The following VOPP1 variants were observed in gnomAD, a reference collection of about 807,000 sequenced individuals.
VOPP1 encodes VOPP1 WW domain binding protein, also known as WW domain binding protein VOPP1.
Under a neutral mutation model 23.5 loss-of-function variants are expected in VOPP1, and 8 were observed. The observed-to-expected ratio is 0.34, with a 90% CI of 0.20 to 0.61. The LOEUF (loss-of-function observed/expected upper bound fraction) is 0.61. Ranked by LOEUF, VOPP1 falls within the 20% of genes least tolerant of loss-of-function variation. The probability of loss-of-function intolerance (pLI) is 0.78; values close to 1 mark genes in which losing one functional copy is unlikely to be tolerated. For synonymous variants in VOPP1, 83 were observed against 97.3 expected (o/e 0.85, Z 0.86); for missense variants, 174 against 238.1 (o/e 0.73, Z 1.77).
rs1793956813 is a variant in VOPP1 at position 55,496,427 on chromosome 7, A to G, written c.191+1186T>C. Among the ~76,000 whole-genome samples, 3 of 152,252 alleles carry G rather than the reference A, an allele frequency of 2.0e-5. No individual in the cohort carries two copies. The South Asian group carries it at 6.2e-4, about 31-fold the overall frequency. ...GAGCCGTTAACCTTTGAACAGTCTT[A>G]GGCTACAACAATTATTCTTCTGTTA... On this transcript the variant is annotated intron_variant, in intron 3 of 4. Coordinates refer to ENST00000285279, the MANE Select transcript of VOPP1 (RefSeq NM_030796.5).
At chr7:55,519,939 C>A (rs975712546) in intron 2 of VOPP1, among the ~76,000 whole-genome samples, 2 of 152,174 alleles carry the variant, frequency 1.3e-5, no homozygotes, top group Non-Finnish European at 2.9e-5. Context: ...ACCAGCCTGG[C>A]CAACATGGTG....
intron 4 of VOPP1, among the ~76,000 whole-genome samples, chr7:55,482,482 ATTTTTTTTTTTT>A (rs71031859): frequency 2.3e-5 from 3 of 132,832 alleles, no homozygotes; most frequent in African/African-American, 8.8e-5. Flanking sequence ...CACCTGGCTA[ATTTTTTTTTTTT>A]TTTTTTTTTT....
At chr7:55,534,724 C>G (rs1420611942) in intron 1 of VOPP1, among the ~76,000 whole-genome samples, 1 of 152,228 alleles carries the variant, frequency 6.6e-6, no homozygotes, top group Non-Finnish European at 1.5e-5. Context: ...TGCCAGTTGC[C>G]ACCTGGGATC....
chr7:55,505,073 T>A (rs1794621834), intron 2 of VOPP1, among the ~76,000 whole-genome samples: 1 of 152,210 alleles, frequency 6.6e-6, no homozygotes, highest in Non-Finnish European at 1.5e-5. Flanking sequence ...AGCCTTTGGA[T>A]CCTCATTCTG....
chr7:55,567,701 G>A (rs931339671), intron 1 of VOPP1, among the ~76,000 whole-genome samples: 4 of 152,108 alleles, frequency 2.6e-5, no homozygotes, highest in Non-Finnish European at 4.4e-5. Context: ...CTTGCCAGCC[G>A]GTTCATTTAT....
chr7:55,497,646 C>G lies in VOPP1; in HGVS notation c.158G>C (p.Arg53Pro), dbSNP rs755315913. Residue 53 changes from arginine to proline, a missense_variant, in exon 3 of 5, where the codon CGG becomes CCG. Physicochemically the swap from Arg to Pro is moderately radical, Grantham distance 103. Transcript: ENST00000285279. ...CCACAGCCTCTGTATGGAGAGGGCC[C>G]GCACACAGCACCTGGAGCCACAGCA... The part of the protein sequence containing the change: ...EDCCGSRCCV[R>P]ALSIQRLWYF... The G allele has an allele frequency of 6.2e-7, 1 of 1,613,674 alleles. No individual in the cohort carries two copies. The highest frequency in any genetic ancestry group is 8.5e-7 in the Non-Finnish European group (1 of 1,179,838).
At chr7:55,497,554 T>TTGG (rs1794043309) in intron 3 of VOPP1, 59 bp downstream of exon 3, 1 of 871,442 alleles carries the variant, frequency 1.1e-6, no homozygotes, top group African/African-American at 2.0e-5. Context: ...ACAACACTGA[T>TTGG]GGGGGGGGGG....
At chr7:55,559,391 C>A (rs961051004) in intron 1 of VOPP1, among the ~76,000 whole-genome samples, 21 of 152,204 alleles carry the variant, frequency 1.4e-4, no homozygotes, top group African/African-American at 5.1e-4. Flanking sequence ...CCCCTGAGAG[C>A]AGCCGCTGAC....
At chr7:55,480,188 T>C (rs1792598765) in intron 4 of VOPP1, among the ~76,000 whole-genome samples, 2 of 152,236 alleles carry the variant, frequency 1.3e-5, no homozygotes, top group Admixed American at 1.3e-4. Flanking sequence ...TAAAATGAAT[T>C]GTTTCTTAAA....
chr7:55,513,818 T>C (rs1795235141), intron 2 of VOPP1, among the ~76,000 whole-genome samples: 2 of 152,220 alleles, frequency 1.3e-5, no homozygotes, highest in Admixed American at 1.3e-4. Context: ...TTTTAAATCA[T>C]TGGTGTCAAG....
At chr7:55,554,911 G>A (rs759091773) in intron 1 of VOPP1, among the ~76,000 whole-genome samples, 54 of 152,170 alleles carry the variant, frequency 3.5e-4, no homozygotes, top group Admixed American at 5.2e-4. Flanking sequence ...TCACCCAAGC[G>A]CAGGAGACAT....
chr7:55,463,460 T>C (rs1791557072), intron 4 of VOPP1, among the ~76,000 whole-genome samples: 1 of 152,344 alleles, frequency 6.6e-6, no homozygotes, highest in South Asian at 2.1e-4. Context: ...GATGTATCTA[T>C]TGTATTGGTT....
intron 1 of VOPP1, among the ~76,000 whole-genome samples, chr7:55,525,674 T>A (rs1179180695): frequency 6.6e-6 from 1 of 151,122 alleles, no homozygotes; most frequent in Non-Finnish European, 1.5e-5. Context: ...TACTCGATCA[T>A]CTAGGCAGAA....
At chr7:55,446,498 A>C (rs1791105418) in intron 4 of VOPP1, among the ~76,000 whole-genome samples, 1 of 152,134 alleles carries the variant, frequency 6.6e-6, no homozygotes, top group Admixed American at 6.5e-5. Context: ...CCTGTGATGG[A>C]AAAAAATTTC....
chr7:55,448,606 T>C (rs1453703248), intron 4 of VOPP1, among the ~76,000 whole-genome samples: 1 of 147,514 alleles, frequency 6.8e-6, no homozygotes, highest in African/African-American at 2.4e-5. Flanking sequence ...CTCCGTCATC[T>C]TGCATAGCCT....
At chr7:55,513,080 G>C (rs561677595) in intron 2 of VOPP1, among the ~76,000 whole-genome samples, 4 of 152,354 alleles carry the variant, frequency 2.6e-5, no homozygotes, top group Admixed American at 6.5e-5. Context: ...ACTTTAAAAA[G>C]AAGCTTCACG....
chr7:55,528,578 G>C (rs1033026400), intron 1 of VOPP1, among the ~76,000 whole-genome samples: 7 of 152,040 alleles, frequency 4.6e-5, no homozygotes, highest in Non-Finnish European at 8.8e-5. Context: ...CCAGCTACTC[G>C]GGAGGCTGAG....
intron 1 of VOPP1, chr7:55,530,965 A>T (rs1193355962): frequency 6.6e-6 from 1 of 152,224 alleles, no homozygotes; most frequent in Non-Finnish European, 1.5e-5. Flanking sequence ...AAAGGAAAGG[A>T]GCAAAGTCAA....
chr7:55,450,679 G>C (rs1791221272), intron 4 of VOPP1, among the ~76,000 whole-genome samples: 1 of 152,162 alleles, frequency 6.6e-6, no homozygotes, highest in Non-Finnish European at 1.5e-5. Flanking sequence ...GACAGCACTG[G>C]TAAAGAATAT....
Sources: allele counts gnomAD v4.1 joint callset (sites outside exome capture counted in the v4.1 genomes callset), GRCh38; gene constraint gnomAD v4.1.1; transcripts MANE v1.5; gene names NCBI Gene and HGNC (gene_info 2026-07-23, HGNC 2026-07-21).